The following DDX39A variants were observed in gnomAD, a reference collection of about 807,000 sequenced individuals.
DDX39A encodes DExD-box helicase 39A, also known as ATP-dependent RNA helicase DDX39A.
In DDX39A, 13 loss-of-function variants were observed where a neutral mutation model predicts 46.3. That is an observed-to-expected ratio of 0.28 (90% confidence interval 0.18 to 0.45). DDX39A has a LOEUF of 0.45. DDX39A is among the 20% of genes least tolerant of loss of function. DDX39A has a pLI of 1.00. For synonymous variants in DDX39A, 234 were observed against 224.6 expected (o/e 1.04, Z -0.38); for missense variants, 352 against 581.8 (o/e 0.61, Z 4.06).
At position 14,409,483 on chromosome 19, in the gene DDX39A, C is replaced by T. The variant is rs778914622; in HGVS notation, c.975-36G>A. The T allele has an allele frequency of 9.9e-6, 16 of 1,612,308 alleles. No homozygotes were observed. Among genetic ancestry groups the T allele is most frequent in the Non-Finnish European group, 1.4e-5 (16 of 1,179,546 alleles). On this transcript the variant is annotated intron_variant, in intron 8 of 10. Coordinates refer to ENST00000242776, the MANE Select transcript of DDX39A (RefSeq NM_005804.4). The surrounding 1 kb of genome is among the most constrained non-coding windows in gnomAD (Gnocchi z 8.3). ...GGAGAAACAAGTGGAGGCCGTCAGA[C>T]ACTGGGCTCCTGGTGGTGCTCCCTG... is the stretch of plus-strand genomic sequence containing the variant.
In DDX39A at chr19:14,419,280, GTTC is replaced by G. The variant is rs1169645452; in HGVS notation, c.-18_-16del. On this transcript the variant is annotated 5_prime_UTR_variant, in exon 1 of 11. Transcript: ENST00000242776. ...GGATCCGCTGCTCACCTGGCTCCCC[GTTC>G]TTCTCCGCGCGCTGCTAAGAGACAC... 4 of 273,290 alleles carry G rather than the reference GTTC, an allele frequency of 1.5e-5. No individual in the cohort carries two copies. Among genetic ancestry groups the G allele is most frequent in the Admixed American group, 5.3e-5 (1 of 19,006 alleles). 16.9% of individuals were successfully genotyped at this position (273,290 alleles called of 1,614,324 possible). A position where few individuals can be genotyped will look rare whatever the true frequency, so the allele number is the denominator to read the frequency against.
At position 14,409,064 on chromosome 19, in the gene DDX39A, G is replaced by C; in HGVS notation, c.1240C>G (p.Pro414Ala). ...DRFEVNVAELPEEIDISTYIE... is the reference protein window; with the variant it reads ...DRFEVNVAELAEEIDISTYIE... ...TATGTGGAGATGTCGATTTCCTCTG[G>C]AAGTTCTGCCACATTAACTTCAAAC... Residue 414 changes from proline (P) to alanine (A), a missense_variant, in exon 10 of 11, where the codon CCA becomes GCA. Coordinates refer to ENST00000242776, the MANE Select transcript of DDX39A (RefSeq NM_005804.4). The surrounding 1 kb of genome is among the most constrained non-coding windows in gnomAD (Gnocchi z 8.3). 2 of 1,614,202 alleles carry C rather than the reference G, an allele frequency of 1.2e-6. No homozygotes were observed. Among genetic ancestry groups the C allele is most frequent in the South Asian group, 2.2e-5 (2 of 91,090 alleles).
intron 1 of DDX39A, chr19:14,414,157 TTTGGCCTCGCTGTCACTC>T (rs1976705755): frequency 6.6e-6 from 1 of 151,916 alleles, no homozygotes; most frequent in African/African-American, 2.4e-5. Flanking sequence ...CTAGGCCACT[TTTGGCCTCGCTGTCACTC>T]ATTCCCGGCT....
chr19:14,409,539 TC>T lies in DDX39A; in HGVS notation c.970del (p.Glu324SerfsTer62). On this transcript the variant is annotated frameshift_variant, in exon 8 of 11. Transcript: ENST00000242776. LOFTEE classifies it high-confidence loss of function. The surrounding 1 kb of genome is among the most constrained non-coding windows in gnomAD (Gnocchi z 8.3). ...TTGGCGGGCGGCTCGCACTCACCGC[TC>T]CTCCTGGGCCATGCCCCGGTGGATG... ...IAIHRGMAQE[E>X]RLSRYQQFKD... The T allele has an allele frequency of 6.2e-7, 1 of 1,609,068 alleles. No individual in the cohort carries two copies. Among genetic ancestry groups the T allele is most frequent in the South Asian group, 1.1e-5 (1 of 90,854 alleles).
At position 14,410,691 on chromosome 19, in the gene DDX39A, C is replaced by A. The variant is rs1015921528; in HGVS notation, c.613+298G>T. On this transcript the variant is annotated intron_variant, in intron 5 of 10. Coordinates refer to ENST00000242776, the MANE Select transcript of DDX39A (RefSeq NM_005804.4). The surrounding 1 kb of genome is among the most constrained non-coding windows in gnomAD (Gnocchi z 4.3). ...CTCCCACCGGCCCTGTCGGGGCTCA[C>A]TGAGGGCAGGCGGGGCCTGGAACCA... 6.2e-5 allele frequency: 32 copies of A among 518,206 alleles called. No homozygotes were observed. The highest frequency in any genetic ancestry group is 9.5e-5 in the Non-Finnish European group (27 of 285,066). The allele number at this position is 518,206 out of a possible 1,614,324, so 32.1% of individuals were successfully genotyped here.
rs947611279 is a variant in DDX39A, at chr19:14,419,258, T to G, written c.-5+12A>C. 4 of 278,876 alleles carry G rather than the reference T, an allele frequency of 1.4e-5. No individual in the cohort carries two copies. Among genetic ancestry groups the G allele is most frequent in the South Asian group, 5.4e-5 (2 of 37,324 alleles). 17.3% of individuals were successfully genotyped at this position (278,876 alleles called of 1,614,324 possible). On this transcript the variant is annotated intron_variant, in intron 1 of 10. Transcript: ENST00000242776. ...CCACACCGCGGCCCCGCGCCCGGGA[T>G]CCGCTGCTCACCTGGCTCCCCGTTC...
Position 14,409,335 on chromosome 19 carries a change from T to C in DDX39A, c.1087A>G (p.Met363Val). The change falls in exon 9 of 11, where the codon ATG (methionine) becomes GTG (valine). Residue 363 changes from methionine (M) to valine (V), a missense_variant. By Grantham distance (21) the Met-to-Val change is conservative. Transcript: ENST00000242776. This position sits in a 1 kb window ranked among gnomAD's most constrained non-coding sequence, Gnocchi z 8.3. ...ERVNIVFNYD[M>V]PEDSDTYLHR... ...AGGTAGGTGTCCGAGTCCTCAGGCA[T>C]GTCGTAGTTAAAGACGATGTTGACT... 1 of 1,614,216 alleles carries C rather than the reference T, an allele frequency of 6.2e-7. No individual in the cohort carries two copies. Among genetic ancestry groups the C allele is most frequent in the Non-Finnish European group, 8.5e-7 (1 of 1,180,044 alleles).
At chr19:14,418,577 C>T (rs1456324299) in intron 1 of DDX39A, among the ~76,000 whole-genome samples, 1 of 152,070 alleles carries the variant, frequency 6.6e-6, no homozygotes, top group African/African-American at 2.4e-5. Flanking sequence ...CGTGCCTCAG[C>T]CTCCCGAGTA....
Position 14,410,752 on chromosome 19 carries a change from GTA to G in DDX39A, c.613+235_613+236del, listed in dbSNP as rs902695796. On this transcript the variant is annotated intron_variant, in intron 5 of 10. Coordinates refer to ENST00000242776, the MANE Select transcript of DDX39A (RefSeq NM_005804.4). This position sits in a 1 kb window ranked among gnomAD's most constrained non-coding sequence, Gnocchi z 4.3. ...TGGCAGAAGCCTCATACTCCCAGAG[GTA>G]TGTGTGCATGCCTTTACGTCCAGGA... 14 of 549,258 alleles carry G rather than the reference GTA, an allele frequency of 2.5e-5. No homozygotes were observed. The highest frequency in any genetic ancestry group is 4.2e-5 in the Non-Finnish European group (13 of 307,092). 34.0% of individuals were successfully genotyped at this position (549,258 alleles called of 1,614,324 possible).
intron 1 of DDX39A, among the ~76,000 whole-genome samples, chr19:14,417,647 G>A (rs1313557662): frequency 6.6e-6 from 1 of 152,060 alleles, no homozygotes; most frequent in Non-Finnish European, 1.5e-5. Flanking sequence ...AAAACACATA[G>A]CCCAAGGGGC....
At chr19:14,415,005 G>A (rs945934101) in intron 1 of DDX39A, among the ~76,000 whole-genome samples, 1 of 150,726 alleles carries the variant, frequency 6.6e-6, no homozygotes, top group African/African-American at 2.4e-5. Flanking sequence ...CACCACTTAA[G>A]GCAGATAATT....
chr19:14,408,897 T>C lies in DDX39A; in HGVS notation c.*39A>G, dbSNP rs1437403431. 1.9e-6 allele frequency: 3 copies of C among 1,554,934 alleles called. No individual in the cohort carries two copies. Among genetic ancestry groups the C allele is most frequent in the African/African-American group, 1.4e-5 (1 of 73,058 alleles). On this transcript the variant is annotated 3_prime_UTR_variant, in exon 11 of 11. Transcript: ENST00000242776. ...CCTGGAAAGGGGAGGTGAAGCTGCA[T>C]GCGGGCGGCTCCGGGTGGGCGGCTC...
chr19:14,411,155 A>C lies in DDX39A; in HGVS notation c.447T>G (p.Gly149=). Residue 149 remains glycine, a synonymous_variant, in exon 5 of 11, where the codon GGT becomes GGG. Transcript: ENST00000242776. This position sits in a 1 kb window ranked among gnomAD's most constrained non-coding sequence, Gnocchi z 4.1. ...CTTCATCCTTCTTGATGGAGAGACC[A>C]CCGAAGAACACAGACACCTATGGGG... is the stretch of plus-strand genomic sequence containing the variant. ...MPSVKVSVFF[G]GLSIKKDEEV... The C allele has an allele frequency of 6.3e-7, 1 of 1,584,210 alleles. No individual in the cohort carries two copies. The highest frequency in any genetic ancestry group is 1.9e-5 in the Admixed American group (1 of 53,528).
chr19:14,411,740 T>G lies in DDX39A; in HGVS notation c.337-142A>C. On this transcript the variant is annotated intron_variant, in intron 3 of 10. Transcript: ENST00000242776. The surrounding 1 kb of genome is among the most constrained non-coding windows in gnomAD (Gnocchi z 4.1). ...AAGGCCCGGTCCAAATGCCTCCCAC[T>G]TCTCACGGCCCTTCCCCACCCCTCA... is the stretch of plus-strand genomic sequence containing the variant. 1 of 682,454 alleles carries G rather than the reference T, an allele frequency of 1.5e-6. No homozygotes were observed. The allele number at this position is 682,454 out of a possible 1,614,324, so 42.3% of individuals were successfully genotyped here.
rs1976598820 is a variant in DDX39A, at chr19:14,411,709, C to T, written c.337-111G>A. 1 of 920,860 alleles carries T rather than the reference C, an allele frequency of 1.1e-6. No individual in the cohort carries two copies. The highest frequency in any genetic ancestry group is 1.7e-6 in the Non-Finnish European group (1 of 585,732). The allele number at this position is 920,860 out of a possible 1,614,324, so 57.0% of individuals were successfully genotyped here. A position where few individuals can be genotyped will look rare whatever the true frequency, so the allele number is the denominator to read the frequency against. On this transcript the variant is annotated intron_variant, in intron 3 of 10. Coordinates refer to ENST00000242776, the MANE Select transcript of DDX39A (RefSeq NM_005804.4). The surrounding 1 kb of genome is among the most constrained non-coding windows in gnomAD (Gnocchi z 4.1). ...TGACACTGCACCCAACATCACAGGC[C>T]ATTTGAAGGCCCGGTCCAAATGCCT...
chr19:14,413,333 T>A, intron 1 of DDX39A, 109 bp from the exon 2 acceptor site: 1 of 1,006,376 alleles, frequency 9.9e-7, no homozygotes, highest in Non-Finnish European at 1.4e-6. Context: ...CCATCAGCTC[T>A]ACCTGGGCTG....
At position 14,412,509 on chromosome 19, in the gene DDX39A, G is replaced by A. The variant is rs201123844; in HGVS notation, c.336+42C>T. ...CCATCCAGCCTACTCTACTTCCGCC[G>A]CCACAGGCAGGGTGGGGCCAGGAAG... On this transcript the variant is annotated intron_variant, in intron 3 of 10. Transcript: ENST00000242776. This position sits in a 1 kb window ranked among gnomAD's most constrained non-coding sequence, Gnocchi z 4.4. 6.9e-6 allele frequency: 11 copies of A among 1,587,912 alleles called. No homozygotes were observed. The highest frequency in any genetic ancestry group is 5.1e-5 in the Admixed American group (3 of 59,006).
In DDX39A at chr19:14,410,932, T is replaced by A; in HGVS notation, c.613+57A>T. 11 of 1,469,716 alleles carry A rather than the reference T, an allele frequency of 7.5e-6. No individual in the cohort carries two copies. The highest frequency in any genetic ancestry group is 1.0e-5 in the Non-Finnish European group (11 of 1,105,354). 91.0% of individuals were successfully genotyped at this position (1,469,716 alleles called of 1,614,324 possible). ...ACCCACTCAAGAGCCTTCCGCCTGC[T>A]ATGGGGCCCGCCTAGTCACTGACTC... On this transcript the variant is annotated intron_variant, in intron 5 of 10. Coordinates refer to ENST00000242776, the MANE Select transcript of DDX39A (RefSeq NM_005804.4). The surrounding 1 kb of genome is among the most constrained non-coding windows in gnomAD (Gnocchi z 4.3).
upstream of DDX39A, chr19:14,419,371 T>C (rs1207314774): frequency 2.3e-5 from 5 of 213,178 alleles, no homozygotes; most frequent in Middle Eastern, 2.0e-3. Flanking sequence ...GCCTCTTGCG[T>C]CGGGCTGCTG....
Sources: allele counts gnomAD v4.1 joint callset (sites outside exome capture counted in the v4.1 genomes callset), GRCh38; gene constraint gnomAD v4.1.1; non-coding constraint Gnocchi (gnomAD v3.1); transcripts MANE v1.5; gene names NCBI Gene and HGNC (gene_info 2026-07-23, HGNC 2026-07-21).